Variants in RBMS1 observed in about 807,000 individuals in gnomAD.
RBMS1 encodes RNA-binding motif, single-stranded-interacting protein 1.
Under a neutral mutation model 62.3 loss-of-function variants are expected in RBMS1, and 17 were observed. That is an observed-to-expected ratio of 0.27 (90% confidence interval 0.19 to 0.41). RBMS1 has a LOEUF of 0.41. Ranked by LOEUF, RBMS1 falls within the 10% of genes least tolerant of loss-of-function variation. RBMS1 has a pLI of 1.00. For missense variants in RBMS1, 334 were observed against 504.5 expected (o/e 0.66, Z 3.24); for synonymous variants, 172 against 170.0 (o/e 1.01, Z -0.09).
At chr2:160,337,073 G>C (rs1691613160) in intron 2 of RBMS1, among the ~76,000 whole-genome samples, 1 of 151,892 alleles carries the variant, frequency 6.6e-6, no homozygotes, top group Non-Finnish European at 1.5e-5. Flanking sequence ...GAGAATGTCT[G>C]AATAGCAAGG....
rs1331672066 is a variant in RBMS1 at position 160,272,414 on chromosome 2, GGTCT to G, written c.*2354_*2357del. 6.6e-6 allele frequency: 1 copy of G among 150,968 alleles called. No individual in the cohort carries two copies. The highest frequency in any genetic ancestry group is 1.5e-5 in the Non-Finnish European group (1 of 67,828). 9.4% of individuals were successfully genotyped at this position (150,968 alleles called of 1,614,324 possible). ...TCTTTTTTTTTCAATCTGTACAAAAGGTCTTTCTTCATAAATTAATTTTTTTATA... is the reference window on the plus strand; with the variant it reads ...TCTTTTTTTTTCAATCTGTACAAAAGTTCTTCATAAATTAATTTTTTTATA... On this transcript the variant is annotated 3_prime_UTR_variant, in exon 14 of 14. Coordinates refer to ENST00000348849, the MANE Select transcript of RBMS1 (RefSeq NM_016836.4).
chr2:160,422,846 T>C (rs1696488541), intron 1 of RBMS1, among the ~76,000 whole-genome samples: 1 of 152,206 alleles, frequency 6.6e-6, no homozygotes, highest in African/African-American at 2.4e-5. Flanking sequence ...TAGTTATACC[T>C]TTACTGCTGT....
At chr2:160,414,193 A>T (rs1301511172) in intron 1 of RBMS1, among the ~76,000 whole-genome samples, 1 of 152,230 alleles carries the variant, frequency 6.6e-6, no homozygotes, top group Admixed American at 6.5e-5. Context: ...CCAATATTCG[A>T]ATATATCGTG....
rs1687894070 is a variant in RBMS1, at chr2:160,277,398, G to A, written c.1063-15C>T. Reference sequence around the variant, plus strand: ...GCAGGCATGTACTAGAAAGAAGAATGAGGTCAGAATGGGCAATGGTAAACC... The same window carrying A: ...GCAGGCATGTACTAGAAAGAAGAATAAGGTCAGAATGGGCAATGGTAAACC... On this transcript the variant is annotated splice_polypyrimidine_tract_variant and intron_variant, in intron 11 of 13. Transcript: ENST00000348849. The A allele has an allele frequency of 6.2e-7, 1 of 1,600,464 alleles. No individual in the cohort carries two copies. Among genetic ancestry groups the A allele is most frequent in the Non-Finnish European group, 8.6e-7 (1 of 1,167,810 alleles).
At chr2:160,295,449 C>G (rs1185832894) in intron 6 of RBMS1, among the ~76,000 whole-genome samples, 1 of 152,194 alleles carries the variant, frequency 6.6e-6, no homozygotes, top group Non-Finnish European at 1.5e-5. Flanking sequence ...AAATTAAGTG[C>G]TAATTCAGAA....
chr2:160,332,867 A>G (rs895821780), intron 2 of RBMS1, among the ~76,000 whole-genome samples: 2 of 149,460 alleles, frequency 1.3e-5, no homozygotes, highest in East Asian at 3.9e-4. Context: ...TTATACATAT[A>G]TTTTATATAT....
chr2:160,431,762 TCTAC>T (rs768554209), intron 1 of RBMS1, among the ~76,000 whole-genome samples: 1 of 152,208 alleles, frequency 6.6e-6, no homozygotes, highest in Non-Finnish European at 1.5e-5. Context: ...ATGCTCCTTC[TCTAC>T]CTCTTTGCCT....
chr2:160,370,668 G>A (rs1014976595), intron 1 of RBMS1, among the ~76,000 whole-genome samples: 2 of 152,210 alleles, frequency 1.3e-5, no homozygotes, highest in African/African-American at 4.8e-5. Flanking sequence ...AACAAAGCCA[G>A]AGCAGAGCCT....
chr2:160,379,051 C>G (rs115146992), intron 1 of RBMS1, among the ~76,000 whole-genome samples: 333 of 152,226 alleles, frequency 2.2e-3, no homozygotes, highest in Middle Eastern at 3.4e-3. Flanking sequence ...AAAACCCTAT[C>G]TCTACAAAAA....
chr2:160,469,360 T>A (rs1375490232), intron 1 of RBMS1, among the ~76,000 whole-genome samples: 1 of 152,118 alleles, frequency 6.6e-6, no homozygotes, highest in Non-Finnish European at 1.5e-5. Context: ...CCTGGGGCTG[T>A]TTCTCATCTC....
intron 2 of RBMS1, among the ~76,000 whole-genome samples, chr2:160,343,853 CA>C (rs1692029103): frequency 6.6e-6 from 1 of 152,060 alleles, no homozygotes; most frequent in South Asian, 2.1e-4. Context: ...ATATATTTTT[CA>C]AAGTTCAAGA....
chr2:160,407,779 C>T, intron 1 of RBMS1: 28 of 981,300 alleles, frequency 2.9e-5, no homozygotes, highest in Non-Finnish European at 3.4e-5. Context: ...GCTCGGGCAG[C>T]CGCCGCCCTG....
In RBMS1 at chr2:160,284,042, C is replaced by G. The variant is rs966094489; in HGVS notation, c.900+733G>C. On this transcript the variant is annotated intron_variant, in intron 9 of 13. Transcript: ENST00000348849. ...AAAAGGGAACTCTGCTCCCACATGT[C>G]TGCAACTGAACTCCATTATAAGGTT... 3.4e-4 allele frequency: 51 copies of G among 152,186 alleles called. 1 individual carries two copies. Among genetic ancestry groups the G allele is most frequent in the African/African-American group, 1.2e-3 (51 of 41,440 alleles). The allele number at this position is 152,186 out of a possible 1,614,324, so 9.4% of individuals were successfully genotyped here. A position where few individuals can be genotyped will look rare whatever the true frequency, so the allele number is the denominator to read the frequency against.
At chr2:160,409,105 G>C (rs1574022735) in intron 1 of RBMS1, among the ~76,000 whole-genome samples, 2 of 152,140 alleles carry the variant, frequency 1.3e-5, no homozygotes, top group African/African-American at 4.8e-5. Context: ...CCATTCAAAG[G>C]CTTTTCTAGC....
intron 1 of RBMS1, among the ~76,000 whole-genome samples, chr2:160,475,668 C>G (rs1358388564): frequency 6.6e-6 from 1 of 152,242 alleles, no homozygotes; most frequent in East Asian, 1.9e-4. Flanking sequence ...AGAATCCTAA[C>G]TAATATAATC....
chr2:160,356,121 C>T (rs550242285), intron 2 of RBMS1, among the ~76,000 whole-genome samples: 16 of 152,204 alleles, frequency 1.1e-4, no homozygotes, highest in African/African-American at 3.9e-4. Flanking sequence ...TATGCACAAA[C>T]CCTCTCAGGC....
At chr2:160,355,118 A>C (rs1692724344) in intron 2 of RBMS1, among the ~76,000 whole-genome samples, 1 of 152,148 alleles carries the variant, frequency 6.6e-6, no homozygotes, top group Admixed American at 6.6e-5. Flanking sequence ...ATACACCTAA[A>C]ACAAAGTATA....
intron 2 of RBMS1, among the ~76,000 whole-genome samples, chr2:160,333,410 T>C (rs1039933936): frequency 5.9e-5 from 9 of 152,200 alleles, no homozygotes; most frequent in Admixed American, 5.9e-4. Flanking sequence ...AATATTTGTT[T>C]TGTTTTACCT....
chr2:160,394,640 T>C (rs549707775), intron 1 of RBMS1, among the ~76,000 whole-genome samples: 139 of 152,318 alleles, frequency 9.1e-4, no homozygotes, highest in Admixed American at 1.2e-3. Context: ...CAGATACTAG[T>C]TTATTTTGCC....
Sources: allele counts gnomAD v4.1 joint callset (sites outside exome capture counted in the v4.1 genomes callset), GRCh38; gene constraint gnomAD v4.1.1; transcripts MANE v1.5; gene names NCBI Gene and HGNC (gene_info 2026-07-23, HGNC 2026-07-21).